RAB35: variants seen among roughly 807,000 people sequenced by gnomAD.
RAB35 encodes the protein ras-related protein Rab-35.
In RAB35, 4 loss-of-function variants were observed where a neutral mutation model predicts 28.9. That is an observed-to-expected ratio of 0.14 (90% confidence interval 0.07 to 0.32). The LOEUF (loss-of-function observed/expected upper bound fraction) is 0.32. RAB35 is among the 10% of genes least tolerant of loss of function. The probability of loss-of-function intolerance (pLI) is 1.00; values close to 1 mark genes in which losing one functional copy is unlikely to be tolerated. For missense variants in RAB35, 128 were observed against 274.0 expected (o/e 0.47, Z 3.76); for synonymous variants, 99 against 105.1 (o/e 0.94, Z 0.35).
At chr12:120,109,378 G>A (rs552310545) in intron 1 of RAB35, among the ~76,000 whole-genome samples, 3 of 152,244 alleles carry the variant, frequency 2.0e-5, no homozygotes, top group South Asian at 2.1e-4. Flanking sequence ...ACTTGAACCC[G>A]GGAGGCGGAG....
chr12:120,096,962 A>G lies in RAB35; in HGVS notation c.*283T>C. The G allele has an allele frequency of 7.0e-7, 1 of 1,430,216 alleles. No homozygotes were observed. Among genetic ancestry groups the G allele is most frequent in the Non-Finnish European group, 9.3e-7 (1 of 1,080,054 alleles). The allele number at this position is 1,430,216 out of a possible 1,614,324, so 88.6% of individuals were successfully genotyped here. A position where few individuals can be genotyped will look rare whatever the true frequency, so the allele number is the denominator to read the frequency against. On this transcript the variant is annotated 3_prime_UTR_variant, in exon 6 of 6. Coordinates refer to ENST00000229340, the MANE Select transcript of RAB35 (RefSeq NM_006861.7). ...GGGTAGAGCAATATACACTATGTAC[A>G]GACTCTGCGAATCAGTCCGCTCGGC...
chr12:120,102,565 A>G (rs1457369687), intron 3 of RAB35, among the ~76,000 whole-genome samples: 1 of 152,086 alleles, frequency 6.6e-6, no homozygotes, highest in Non-Finnish European at 1.5e-5. Flanking sequence ...CATAGGGTGA[A>G]CCCAGTGACA....
intron 2 of RAB35, among the ~76,000 whole-genome samples, chr12:120,107,169 A>C (rs1294809548): frequency 1.3e-5 from 2 of 151,108 alleles, no homozygotes; most frequent in Non-Finnish European, 3.0e-5. Flanking sequence ...TTGTATTTTT[A>C]GTAGAGACGG....
In RAB35 at chr12:120,097,268, T is replaced by G. The variant is rs1167778502; in HGVS notation, c.583A>C (p.Lys195Gln). The change falls in exon 6 of 6, where the codon AAA (lysine) becomes CAA (glutamine). Residue 195 changes from lysine (K) to glutamine (Q), a missense_variant. Physicochemically the swap from Lys to Gln is moderately conservative, Grantham distance 53. Transcript: ENST00000229340. Reference sequence around the variant, plus strand: ...CATTAGCAGCAGCGTTTCTTTCGTTTACTGTTCTTCGTGAGCTTCACCACA... The same window carrying G: ...CATTAGCAGCAGCGTTTCTTTCGTTGACTGTTCTTCGTGAGCTTCACCACA... ...NDVVKLTKNS[K>Q]RKKRCC 1.2e-6 allele frequency: 2 copies of G among 1,614,100 alleles called. No homozygotes were observed. The highest frequency in any genetic ancestry group is 3.3e-5 in the Admixed American group (2 of 60,036).
At chr12:120,115,775 T>G (rs1048003105) in intron 1 of RAB35, among the ~76,000 whole-genome samples, 23 of 152,166 alleles carry the variant, frequency 1.5e-4, no homozygotes, top group African/African-American at 5.3e-4. Flanking sequence ...ACTTTTATAA[T>G]TTTGGCTGTC....
At chr12:120,104,782 C>T (rs1366154260) in intron 2 of RAB35, among the ~76,000 whole-genome samples, 2 of 152,008 alleles carry the variant, frequency 1.3e-5, no homozygotes, top group African/African-American at 4.8e-5. Context: ...TACAGGCATG[C>T]GCCACCACGC....
chr12:120,114,281 C>T (rs1406108504), intron 1 of RAB35, among the ~76,000 whole-genome samples: 7 of 152,270 alleles, frequency 4.6e-5, no homozygotes, highest in South Asian at 2.1e-4. Flanking sequence ...TTAGTAGAGA[C>T]GAGGTTTCAT....
At chr12:120,108,676 T>C (rs1221369570) in intron 1 of RAB35, 17 of 680,650 alleles carry the variant, frequency 2.5e-5, no homozygotes, top group Non-Finnish European at 4.4e-5. Context: ...CCTTCGTCCT[T>C]GTGTAAGACA....
intron 3 of RAB35, among the ~76,000 whole-genome samples, chr12:120,102,374 C>T (rs1318074347): frequency 6.6e-6 from 1 of 152,220 alleles, no homozygotes; most frequent in Middle Eastern, 3.2e-3. Context: ...AGCACTGATG[C>T]CAGCCCTGCC....
chr12:120,110,895 A>C (rs528682769), intron 1 of RAB35, among the ~76,000 whole-genome samples: 58 of 152,284 alleles, frequency 3.8e-4, no homozygotes, highest in African/African-American at 1.4e-3. Flanking sequence ...CTTCCTGCTG[A>C]GCTCAAGGAG....
In RAB35 at chr12:120,096,562, C is replaced by T; in HGVS notation, c.*683G>A. The T allele has an allele frequency of 7.8e-7, 1 of 1,289,732 alleles. No homozygotes were observed. 79.9% of individuals were successfully genotyped at this position (1,289,732 alleles called of 1,614,324 possible). A position where few individuals can be genotyped will look rare whatever the true frequency, so the allele number is the denominator to read the frequency against. ...GCTCAGAGGCATCTAGAAGGCAGGA[C>T]AAGAAATCTGTTGGCCAAAGGGCAA... On this transcript the variant is annotated 3_prime_UTR_variant, in exon 6 of 6. Transcript: ENST00000229340.
At chr12:120,102,225 A>C (rs1875688422) in intron 3 of RAB35, among the ~76,000 whole-genome samples, 1 of 152,136 alleles carries the variant, frequency 6.6e-6, no homozygotes, top group South Asian at 2.1e-4. Flanking sequence ...AGGTCTCTCT[A>C]CCGGGATTAA....
chr12:120,101,282 G>A (rs1453986045), intron 3 of RAB35, among the ~76,000 whole-genome samples: 1 of 152,224 alleles, frequency 6.6e-6, no homozygotes, highest in Non-Finnish European at 1.5e-5. Context: ...GGATGGCCAT[G>A]TGACCAGCAA....
intron 1 of RAB35, among the ~76,000 whole-genome samples, chr12:120,112,100 C>T (rs1164832268): frequency 2.0e-5 from 3 of 152,050 alleles, no homozygotes; most frequent in Non-Finnish European, 4.4e-5. Flanking sequence ...CCTCAGCCTC[C>T]GGAGTAGCTG....
chr12:120,115,117 A>C (rs1399310078), intron 1 of RAB35, among the ~76,000 whole-genome samples: 1 of 151,844 alleles, frequency 6.6e-6, no homozygotes, highest in Non-Finnish European at 1.5e-5. Context: ...CCCCAACCTC[A>C]GTTACTCTTC....
Position 120,116,721 on chromosome 12 carries a change from C to A in RAB35, c.-71G>T, listed in dbSNP as rs902671393. ...CTCGCGATCCGCAGCTCCCTTCGGGCTGCTCCGGCAGCGGCGGATCCACTT... is the reference window on the plus strand; with the variant it reads ...CTCGCGATCCGCAGCTCCCTTCGGGATGCTCCGGCAGCGGCGGATCCACTT... On this transcript the variant is annotated 5_prime_UTR_variant, in exon 1 of 6. Coordinates refer to ENST00000229340, the MANE Select transcript of RAB35 (RefSeq NM_006861.7). 338 of 1,211,720 alleles carry A rather than the reference C, an allele frequency of 2.8e-4. No individual in the cohort carries two copies. Among genetic ancestry groups the A allele is most frequent in the Non-Finnish European group, 3.2e-4 (313 of 974,558 alleles). The allele number at this position is 1,211,720 out of a possible 1,614,324, so 75.1% of individuals were successfully genotyped here. A position where few individuals can be genotyped will look rare whatever the true frequency, so the allele number is the denominator to read the frequency against.
chr12:120,104,228 C>T (rs1323461822), intron 2 of RAB35, among the ~76,000 whole-genome samples: 2 of 152,038 alleles, frequency 1.3e-5, no homozygotes, highest in South Asian at 2.1e-4. Context: ...ATGGGACTGG[C>T]GGGAGTGGGA....
In RAB35 at chr12:120,096,364, A is replaced by G; in HGVS notation, c.*881T>C. ...GCCAATCAAACCTCAGGGAAAGAAAATAATTGTGAGGAATTTAATTCACTT... is the reference window on the plus strand; with the variant it reads ...GCCAATCAAACCTCAGGGAAAGAAAGTAATTGTGAGGAATTTAATTCACTT... On this transcript the variant is annotated 3_prime_UTR_variant, in exon 6 of 6. Transcript: ENST00000229340. The G allele has an allele frequency of 8.3e-7, 1 of 1,205,918 alleles. No individual in the cohort carries two copies. Among genetic ancestry groups the G allele is most frequent in the South Asian group, 1.4e-5 (1 of 71,054 alleles). The allele number at this position is 1,205,918 out of a possible 1,614,324, so 74.7% of individuals were successfully genotyped here. A position where few individuals can be genotyped will look rare whatever the true frequency, so the allele number is the denominator to read the frequency against.
intron 1 of RAB35, among the ~76,000 whole-genome samples, chr12:120,111,211 C>T (rs539814759): frequency 1.3e-4 from 20 of 152,352 alleles, no homozygotes; most frequent in South Asian, 6.2e-4. Context: ...GCACAGCAGG[C>T]GCCTAAGCAG....
Sources: allele counts gnomAD v4.1 joint callset (sites outside exome capture counted in the v4.1 genomes callset), GRCh38; gene constraint gnomAD v4.1.1; transcripts MANE v1.5; gene names NCBI Gene and HGNC (gene_info 2026-07-23, HGNC 2026-07-21).